The following NR1H3 variants were observed in gnomAD, a reference collection of about 807,000 sequenced individuals.
The protein encoded by NR1H3 is oxysterols receptor LXR-alpha.
Under a neutral mutation model 48.1 loss-of-function variants are expected in NR1H3, and 19 were observed. The ratio of observed to expected loss-of-function variants is 0.40; its 90% CI spans 0.28 to 0.58. NR1H3 has a LOEUF of 0.58. NR1H3 is among the 20% of genes least tolerant of loss of function. The probability of loss-of-function intolerance (pLI) is 0.50; values close to 1 mark genes in which losing one functional copy is unlikely to be tolerated. For synonymous variants in NR1H3, 232 were observed against 227.3 expected, an observed-to-expected ratio of 1.02 and a Z score of -0.19; for missense variants, 486 against 595.9, an observed-to-expected ratio of 0.82 and a Z score of 1.92.
chr11:47,262,058 C>A, intron 7 of NR1H3, 40 bp downstream of exon 7: 1 of 1,403,182 alleles, frequency 7.1e-7, no homozygotes, highest in Non-Finnish European at 9.9e-7. Context: ...GTTGGGTGGA[C>A]AGATGCTTCT....
intron 1 of NR1H3, among the ~76,000 whole-genome samples, chr11:47,251,986 G>T (rs1178081242): frequency 6.6e-6 from 1 of 150,744 alleles, no homozygotes; most frequent in Non-Finnish European, 1.5e-5. Context: ...TCACCCCTTT[G>T]CCTTCAGCTT....
chr11:47,260,718 G>A (rs1478399820), intron 4 of NR1H3, 43 bp downstream of exon 4: 1 of 1,548,574 alleles, frequency 6.5e-7, no homozygotes, highest in Non-Finnish European at 8.7e-7. Flanking sequence ...TGAGGGGAAA[G>A]AGGGGGCCAG....
At chr11:47,266,788 T>G (rs1211703447) in intron 7 of NR1H3, among the ~76,000 whole-genome samples, 1 of 151,094 alleles carries the variant, frequency 6.6e-6, no homozygotes, top group African/African-American at 2.4e-5. Flanking sequence ...ATTACAGGAG[T>G]GCACCACCAC....
chr11:47,266,245 A>G (rs546696361), intron 7 of NR1H3, among the ~76,000 whole-genome samples: 1 of 151,718 alleles, frequency 6.6e-6, no homozygotes, highest in Non-Finnish European at 1.5e-5. Context: ...GTGATCAATC[A>G]TGGCTCAATG....
chr11:47,261,265 G>A lies in NR1H3; in HGVS notation c.524G>A (p.Arg175His), dbSNP rs1381900444. 3.1e-6 allele frequency: 5 copies of A among 1,591,236 alleles called. No individual in the cohort carries two copies. Among genetic ancestry groups the A allele is most frequent in the African/African-American group, 2.8e-5 (2 of 72,170 alleles). Residue 175 changes from arginine (R) to histidine (H), a missense_variant, in exon 5 of 10, where the codon CGC becomes CAC. Arg to His is a conservative substitution (Grantham distance 29, BLOSUM62 0). Transcript: ENST00000441012. The part of the protein sequence containing the change: ...EECVLSEEQI[R>H]LKKLKRQEEE... ...GGTGTCCTGTCAGAAGAACAGATCC[G>A]CCTGAAGAAACTGAAGCGGCAAGAG...
In NR1H3 at chr11:47,267,973, A is replaced by C. The variant is rs1262337939; in HGVS notation, c.1049A>C (p.Gln350Pro). The C allele has an allele frequency of 6.2e-7, 1 of 1,613,990 alleles. No individual in the cohort carries two copies. The highest frequency in any genetic ancestry group is 1.3e-5 in the African/African-American group (1 of 74,930). The change falls in exon 8 of 10, where the codon CAA becomes CCA. Residue 350 changes from glutamine (Q) to proline (P), a missense_variant. Gln to Pro is a moderately conservative substitution (Grantham distance 76). Transcript: ENST00000441012. ...FEFSRAMNEL[Q>P]LNDAEFALLI... ...TTCTCCAGGGCCATGAATGAGCTGC[A>C]ACTCAATGATGCCGAGTTTGCCTTG...
chr11:47,254,442 C>T (rs962327604), upstream of NR1H3, among the ~76,000 whole-genome samples: 1 of 152,144 alleles, frequency 6.6e-6, no homozygotes, highest in Non-Finnish European at 1.5e-5. Context: ...TAGTGCCAGT[C>T]TCTCAGTGAC....
chr11:47,264,749 G>A (rs2135677810), intron 7 of NR1H3, among the ~76,000 whole-genome samples: 2 of 152,314 alleles, frequency 1.3e-5, no homozygotes, highest in Admixed American at 1.3e-4. Context: ...TATTTCATGA[G>A]TGAGGTCTTG....
intron 7 of NR1H3, among the ~76,000 whole-genome samples, chr11:47,265,467 G>A (rs1351698333): frequency 6.6e-6 from 1 of 152,122 alleles, no homozygotes; most frequent in Non-Finnish European, 1.5e-5. Flanking sequence ...AACTCTGTAG[G>A]GTGCAGAGAC....
upstream of NR1H3, chr11:47,248,668 C>A: frequency 6.2e-7 from 1 of 1,607,972 alleles, no homozygotes. Context: ...GAGCCCATCT[C>A]TCATTACCAA....
At chr11:47,252,246 T>TTTGTTG (rs61003245) in intron 1 of NR1H3, among the ~76,000 whole-genome samples, 54 of 151,568 alleles carry the variant, frequency 3.6e-4, no homozygotes, top group African/African-American at 7.3e-4. Flanking sequence ...TTTGTTTTGT[T>TTTGTTG]TTGTTGTTGT....
chr11:47,267,745 G>A (rs1482701785), intron 7 of NR1H3, among the ~76,000 whole-genome samples, 168 bp from the exon 8 acceptor site: 1 of 152,158 alleles, frequency 6.6e-6, no homozygotes, highest in Non-Finnish European at 1.5e-5. Flanking sequence ...CTGACTTCAG[G>A]TGATCCGCCC....
chr11:47,248,590 T>C (rs1954327207), upstream of NR1H3: 3 of 1,539,800 alleles, frequency 1.9e-6, no homozygotes, highest in Non-Finnish European at 1.8e-6. Context: ...AAACCAGCTG[T>C]TCCTTCCCGA....
intron 7 of NR1H3, among the ~76,000 whole-genome samples, chr11:47,262,399 A>G (rs930987181): frequency 4.0e-5 from 6 of 149,798 alleles, no homozygotes; most frequent in Non-Finnish European, 8.9e-5. Context: ...GAGTCTTACT[A>G]TGTTGCCCAG....
At chr11:47,255,551 T>C (rs1418947690), upstream of NR1H3, among the ~76,000 whole-genome samples, 14 of 56,712 alleles carry the variant, frequency 2.5e-4, no homozygotes, top group African/African-American at 9.1e-4. Flanking sequence ...TTTTCTTTCT[T>C]TCTTTCTTTC....
At chr11:47,257,883 G>A (rs539713557), upstream of NR1H3, 34 of 985,404 alleles carry the variant, frequency 3.5e-5, no homozygotes, top group Middle Eastern at 1.6e-3. Context: ...CCCTGTGGGC[G>A]GGGGTGAGGA....
intron 7 of NR1H3, among the ~76,000 whole-genome samples, chr11:47,265,613 C>T (rs1193781160): frequency 2.6e-5 from 4 of 152,160 alleles, no homozygotes; most frequent in South Asian, 2.1e-4. Flanking sequence ...GTGGCTCATG[C>T]CTGTAATCCC....
chr11:47,248,668 C>T, upstream of NR1H3: 3 of 1,607,974 alleles, frequency 1.9e-6, no homozygotes, highest in Non-Finnish European at 2.5e-6. Context: ...GAGCCCATCT[C>T]TCATTACCAA....
intron 2 of NR1H3, chr11:47,259,590 A>C (rs1591108923): frequency 6.9e-7 from 1 of 1,454,184 alleles, no homozygotes; most frequent in East Asian, 2.5e-5. Context: ...TAACATCTTC[A>C]TTTAAGGTCC....
Sources: gnomAD v4.1 joint callset for allele counts (sites outside exome capture counted in the v4.1 genomes callset) on GRCh38, gnomAD v4.1.1 for gene constraint, MANE v1.5 for transcripts, NCBI Gene and HGNC (gene_info 2026-07-23, HGNC 2026-07-21) for gene names.